ATP9A: variants seen among roughly 807,000 people sequenced by gnomAD.
ATP9A encodes probable phospholipid-transporting ATPase IIA.
In ATP9A, 52 loss-of-function variants were observed where a neutral mutation model predicts 144.1. That is an observed-to-expected ratio of 0.36 (90% CI 0.29 to 0.45). The LOEUF (loss-of-function observed/expected upper bound fraction) is 0.45. ATP9A is among the 20% of genes least tolerant of loss of function. The probability of loss-of-function intolerance (pLI) is 1.00; values close to 1 mark genes in which losing one functional copy is unlikely to be tolerated. For missense variants in ATP9A, 947 were observed against 1,392.7 expected (o/e 0.68, Z 5.09); for synonymous variants, 582 against 557.4 (o/e 1.04, Z -0.62).
chr20:51,651,798 G>A (rs1340055751), intron 14 of ATP9A, among the ~76,000 whole-genome samples: 1 of 151,950 alleles, frequency 6.6e-6, no homozygotes, highest in Non-Finnish European at 1.5e-5. Context: ...GCATGGTGGT[G>A]GGCACCTGTA....
chr20:51,613,404 C>T (rs1490272759), intron 23 of ATP9A, among the ~76,000 whole-genome samples: 2 of 152,232 alleles, frequency 1.3e-5, no homozygotes, highest in South Asian at 2.1e-4. Flanking sequence ...ATCCTCACCA[C>T]ATGGCAGGAA....
At chr20:51,682,067 T>A (rs1331100274) in intron 9 of ATP9A, among the ~76,000 whole-genome samples, 1 of 151,966 alleles carries the variant, frequency 6.6e-6, no homozygotes, top group Non-Finnish European at 1.5e-5. Flanking sequence ...CACACAAATG[T>A]GTTACCTGTG....
chr20:51,605,091 G>T, intron 26 of ATP9A, 71 bp from the exon 27 acceptor site: 1 of 1,334,348 alleles, frequency 7.5e-7, no homozygotes, highest in Non-Finnish European at 9.9e-7. Flanking sequence ...CCTACACCTG[G>T]CTCCTTTCCG....
intron 25 of ATP9A, among the ~76,000 whole-genome samples, 156 bp downstream of exon 25, chr20:51,608,362 C>A (rs1377420831): frequency 4.6e-5 from 7 of 152,122 alleles, no homozygotes; most frequent in Non-Finnish European, 8.8e-5. Context: ...CCACACCTTC[C>A]CCCCAAAAGT....
At chr20:51,766,892 T>C (rs1387390229) in intron 1 of ATP9A, among the ~76,000 whole-genome samples, 1 of 149,744 alleles carries the variant, frequency 6.7e-6, no homozygotes, top group Admixed American at 6.7e-5. Flanking sequence ...AAGGGAGGAG[T>C]GAGGGAACTA....
chr20:51,688,959 T>C (rs1438605975), intron 9 of ATP9A, 105 bp downstream of exon 9: 13 of 1,247,654 alleles, frequency 1.0e-5, no homozygotes, highest in Admixed American at 3.4e-5. Context: ...AAAATGCCAT[T>C]TGACCGAGCA....
Sources: allele counts gnomAD v4.1 joint callset (sites outside exome capture counted in the v4.1 genomes callset), GRCh38; gene constraint gnomAD v4.1.1; transcripts MANE v1.5; gene names NCBI Gene and HGNC (gene_info 2026-07-23, HGNC 2026-07-21).